The following CYBRD1 variants were observed in gnomAD, a reference collection of about 807,000 sequenced individuals.
CYBRD1 encodes the protein cytochrome b reductase 1.
Under a neutral mutation model 21.9 loss-of-function variants are expected in CYBRD1, and 14 were observed. The observed-to-expected ratio is 0.64, with a 90% CI of 0.42 to 1.00. The LOEUF is 1.00. Ranked by LOEUF, CYBRD1 falls within the 50% of genes least tolerant of loss-of-function variation. The pLI is 0.00. For synonymous variants in CYBRD1, 146 were observed against 136.5 expected, an observed-to-expected ratio of 1.07 and a Z score of -0.48; for missense variants, 328 against 352.5, an observed-to-expected ratio of 0.93 and a Z score of 0.56.
At chr2:171,544,615 G>A (rs1697682785) in intron 2 of CYBRD1, among the ~76,000 whole-genome samples, 5 of 152,134 alleles carry the variant, frequency 3.3e-5, no homozygotes, top group Admixed American at 3.3e-4. Context: ...TAATGTGTGA[G>A]GTGATGTGAT....
In CYBRD1 at chr2:171,523,899, CG is replaced by C. The variant is rs948814587; in HGVS notation, c.193+1162del. 7.9e-5 allele frequency among the ~76,000 whole-genome samples: 12 copies of C among 152,284 alleles called. 1 individual carries two copies. The highest frequency in any genetic ancestry group is 6.5e-4 in the Admixed American group (10 of 15,298). On this transcript the variant is annotated intron_variant, in intron 1 of 3. Coordinates refer to ENST00000321348, the MANE Select transcript of CYBRD1 (RefSeq NM_024843.4). ...GTGGTGTTATGTCGCAGAAAATAAT[CG>C]AGAGGAGTAGCAAGGGTTTGGAAAG...
intron 1 of CYBRD1, among the ~76,000 whole-genome samples, chr2:171,535,543 C>T (rs534219358): frequency 1.3e-4 from 19 of 151,688 alleles, no homozygotes; most frequent in Non-Finnish European, 2.2e-4. Flanking sequence ...ACTGGGAACA[C>T]GGTTGTCTTT....
At chr2:171,553,774 G>A (rs1435628162) in intron 3 of CYBRD1, among the ~76,000 whole-genome samples, 1 of 152,034 alleles carries the variant, frequency 6.6e-6, no homozygotes, top group South Asian at 2.1e-4. Flanking sequence ...TATATTAATT[G>A]TAATTATAGT....
intron 2 of CYBRD1, among the ~76,000 whole-genome samples, chr2:171,542,552 T>C (rs923549345): frequency 1.3e-5 from 2 of 152,202 alleles, no homozygotes; most frequent in South Asian, 2.1e-4. Context: ...ATCTAACAAT[T>C]AGCAATAAAG....
rs1434566424 is a variant in CYBRD1, at chr2:171,558,046, C to A, written c.*3219C>A. 1 of 151,626 alleles carries A rather than the reference C, an allele frequency of 6.6e-6. No individual in the cohort carries two copies. The highest frequency in any genetic ancestry group is 6.6e-5 in the Admixed American group (1 of 15,204). The allele number at this position is 151,626 out of a possible 1,614,324, so 9.4% of individuals were successfully genotyped here. A position where few individuals can be genotyped will look rare whatever the true frequency, so the allele number is the denominator to read the frequency against. On this transcript the variant is annotated 3_prime_UTR_variant, in exon 4 of 4. Transcript: ENST00000321348. ...ATTTATGGAAAAAATATTAACTATC[C>A]TGAATATTTTATAATTTTGTAGGAA... is the stretch of plus-strand genomic sequence containing the variant.
chr2:171,522,284 G>A (rs1196021820), upstream of CYBRD1: 1 of 1,547,980 alleles, frequency 6.5e-7, no homozygotes, highest in Non-Finnish European at 8.7e-7. This position sits in a 1 kb window ranked among gnomAD's most constrained non-coding sequence, Gnocchi z 4.3. Context: ...TGCTGGACGA[G>A]GGAGAGGGTG....
At chr2:171,524,085 G>C (rs185315191) in intron 1 of CYBRD1, among the ~76,000 whole-genome samples, 1 of 152,276 alleles carries the variant, frequency 6.6e-6, no homozygotes, top group East Asian at 1.9e-4. Flanking sequence ...TTTTAAACTT[G>C]TACTGCAGCT....
chr2:171,533,770 C>CTTTTT (rs10707105), intron 1 of CYBRD1, among the ~76,000 whole-genome samples: 1 of 130,714 alleles, frequency 7.7e-6, no homozygotes, highest in Non-Finnish European at 1.6e-5. Context: ...TTCTTTCTTT[C>CTTTTT]TTTTTTTTTT....
Position 171,552,892 on chromosome 2 carries a change from C to T in CYBRD1, c.403-454C>T, listed in dbSNP as rs552614493. 1.4e-3 allele frequency among the ~76,000 whole-genome samples: 208 copies of T among 152,206 alleles called. 1 individual carries two copies. Among genetic ancestry groups the T allele is most frequent in the African/African-American group, 4.8e-3 (200 of 41,546 alleles). On this transcript the variant is annotated intron_variant, in intron 2 of 3. Transcript: ENST00000321348. ...AGTGATTTAAAAAATCTTTTCCTTC[C>T]CTTCCTACTTAGCAACCTTAGGAGA...
intron 1 of CYBRD1, chr2:171,540,813 A>G (rs1697619448): frequency 8.3e-6 from 1 of 120,166 alleles, no homozygotes; most frequent in Admixed American, 1.1e-4. Context: ...CCCAGGCTGG[A>G]GTGCAGTGGC....
chr2:171,535,706 T>G (rs1697534549), intron 1 of CYBRD1, among the ~76,000 whole-genome samples: 1 of 152,136 alleles, frequency 6.6e-6, no homozygotes, highest in Non-Finnish European at 1.5e-5. Context: ...TGGCTCGATC[T>G]CAGCTCACTA....
chr2:171,555,055 A>G lies in CYBRD1; in HGVS notation c.*228A>G. 1 of 565,490 alleles carries G rather than the reference A, an allele frequency of 1.8e-6. No individual in the cohort carries two copies. Among genetic ancestry groups the G allele is most frequent in the Non-Finnish European group, 3.1e-6 (1 of 319,366 alleles). 35.0% of individuals were successfully genotyped at this position (565,490 alleles called of 1,614,324 possible). A position where few individuals can be genotyped will look rare whatever the true frequency, so the allele number is the denominator to read the frequency against. ...AGCAGATATAAATTGTGGTTATGTT[A>G]CCTTTATCTTGTTGAGGACCACAAC... On this transcript the variant is annotated 3_prime_UTR_variant, in exon 4 of 4. Coordinates refer to ENST00000321348, the MANE Select transcript of CYBRD1 (RefSeq NM_024843.4).
At chr2:171,525,947 TAAAAAAA>T (rs58388653) in intron 1 of CYBRD1, among the ~76,000 whole-genome samples, 6 of 61,954 alleles carry the variant, frequency 9.7e-5, no homozygotes, top group African/African-American at 1.5e-4. Flanking sequence ...AACTCCCGTC[TAAAAAAA>T]AAAAAAAAAA....
rs781712812 is a variant in CYBRD1, at chr2:171,541,549, A to G, written c.194-36A>G. 3.7e-6 allele frequency: 6 copies of G among 1,601,192 alleles called. No homozygotes were observed. In the Admixed American group the frequency reaches 5.0e-5, roughly 13 times the overall value. On this transcript the variant is annotated intron_variant, in intron 1 of 3. Transcript: ENST00000321348. ...CATTTTGTGTTGTTTAAAAAACAAA[A>G]CAAAACACATTCTGTGTCCTTTCGT...
At position 171,555,173 on chromosome 2, in the gene CYBRD1, G is replaced by C. The variant is rs1683462631; in HGVS notation, c.*346G>C. ...GATAAACTGGCAGCATCCCTGGCCT[G>C]TTGTCATGCAGTCATTTCCTGTTAA... On this transcript the variant is annotated 3_prime_UTR_variant, in exon 4 of 4. Coordinates refer to ENST00000321348, the MANE Select transcript of CYBRD1 (RefSeq NM_024843.4). 1 of 305,482 alleles carries C rather than the reference G, an allele frequency of 3.3e-6. No individual in the cohort carries two copies. Among genetic ancestry groups the C allele is most frequent in the Admixed American group, 4.8e-5 (1 of 21,022 alleles). 18.9% of individuals were successfully genotyped at this position (305,482 alleles called of 1,614,324 possible).
Position 171,557,159 on chromosome 2 carries a change from CTTTG to C in CYBRD1, c.*2337_*2340del, listed in dbSNP as rs1164510176. The stretch of plus-strand genomic sequence containing the variant: ...CGTATATAAAATATATCTAGAAAAC[CTTTG>C]TTTGAGACTCTTATTTAATGGGCTT... On this transcript the variant is annotated 3_prime_UTR_variant, in exon 4 of 4. Transcript: ENST00000321348. The C allele has an allele frequency of 2.6e-5, 4 of 152,246 alleles. No individual in the cohort carries two copies. The highest frequency in any genetic ancestry group is 1.3e-4 in the Admixed American group (2 of 15,244). 9.4% of individuals were successfully genotyped at this position (152,246 alleles called of 1,614,324 possible). A position where few individuals can be genotyped will look rare whatever the true frequency, so the allele number is the denominator to read the frequency against.
In CYBRD1 at chr2:171,536,727, G is replaced by A. The variant is rs529057554; in HGVS notation, c.194-4858G>A. Among the ~76,000 whole-genome samples, 98 of 152,304 alleles carry A rather than the reference G, an allele frequency of 6.4e-4. 2 individuals are homozygous for A. In the South Asian group the frequency reaches 0.019, roughly 29 times the overall value. On this transcript the variant is annotated intron_variant, in intron 1 of 3. Transcript: ENST00000321348. ...TGGGATTACAAGTGTGAGCTACTGC[G>A]CCCAGCCTACTCTTGACTTTTAATA...
At chr2:171,540,061 T>G (rs1697606848) in intron 1 of CYBRD1, among the ~76,000 whole-genome samples, 1 of 152,176 alleles carries the variant, frequency 6.6e-6, no homozygotes, top group African/African-American at 2.4e-5. Flanking sequence ...TTGTTCTACA[T>G]GCAGAATGAT....
intron 1 of CYBRD1, among the ~76,000 whole-genome samples, chr2:171,538,445 G>T (rs1475793409): frequency 2.6e-5 from 4 of 152,148 alleles, no homozygotes; most frequent in Non-Finnish European, 5.9e-5. Context: ...ACTTTTTAAG[G>T]TATTGCATTA....
Sources: gnomAD v4.1 joint callset for allele counts (sites outside exome capture counted in the v4.1 genomes callset) on GRCh38, gnomAD v4.1.1 for gene constraint, Gnocchi (gnomAD v3.1) non-coding constraint, MANE v1.5 for transcripts, NCBI Gene and HGNC (gene_info 2026-07-23, HGNC 2026-07-21) for gene names.